PAK1: variants seen among roughly 807,000 people sequenced by gnomAD.
PAK1 encodes serine/threonine-protein kinase PAK 1.
In PAK1, 29 loss-of-function variants were observed where a neutral mutation model predicts 67.4. That is an observed-to-expected ratio of 0.43 (90% CI 0.32 to 0.59). The LOEUF (loss-of-function observed/expected upper bound fraction) is 0.59. Among genes scored for constraint, PAK1 ranks in the 20% least tolerant of loss-of-function variants. The pLI is 0.07. For synonymous variants in PAK1, 223 were observed against 237.4 expected (o/e 0.94, Z 0.56); for missense variants, 337 against 670.7 (o/e 0.50, Z 5.50).
chr11:77,350,448 T>G (rs1945083904), intron 8 of PAK1, among the ~76,000 whole-genome samples: 1 of 152,156 alleles, frequency 6.6e-6, no homozygotes, highest in Non-Finnish European at 1.5e-5. Context: ...TAATAATTCA[T>G]TCAAAATAAC....
intron 5 of PAK1, among the ~76,000 whole-genome samples, chr11:77,365,400 TGA>T (rs59488171): frequency 0.11 from 16,260 of 149,678 alleles, 2,125 homozygotes; most frequent in African/African-American, 0.3. Flanking sequence ...ATACATATAA[TGA>T]GAGTCTCTGA....
intron 14 of PAK1, among the ~76,000 whole-genome samples, chr11:77,330,482 A>T (rs184264609): frequency 6.6e-6 from 1 of 152,192 alleles, no homozygotes; most frequent in African/African-American, 2.4e-5. Flanking sequence ...ATAACGCCGC[A>T]TATCTACAAC....
In PAK1 at chr11:77,323,201, G is replaced by C; in HGVS notation, c.*73C>G. On this transcript the variant is annotated 3_prime_UTR_variant, in exon 15 of 15. Transcript: ENST00000356341. ...GCAAGGCAAGGAGAAGAGGGCATCA[G>C]GAGTTGGAATTTCTGAAATGTGCAT... The C allele has an allele frequency of 1.2e-6, 2 of 1,603,722 alleles. No homozygotes were observed. The highest frequency in any genetic ancestry group is 8.5e-7 in the Non-Finnish European group (1 of 1,174,762).
At chr11:77,341,217 C>G (rs965310336) in intron 10 of PAK1, among the ~76,000 whole-genome samples, 1 of 152,122 alleles carries the variant, frequency 6.6e-6, no homozygotes, top group Admixed American at 6.6e-5. Flanking sequence ...ATCTATGAGA[C>G]CAAGTATTGG....
intron 4 of PAK1, 36 bp downstream of exon 4, chr11:77,379,205 C>T: frequency 6.5e-7 from 1 of 1,544,754 alleles, no homozygotes; most frequent in Non-Finnish European, 8.8e-7. Flanking sequence ...TTAAAACCAT[C>T]TCTTGCTGAG....
At chr11:77,527,453 A>G in the PAK1 span, among the ~76,000 whole-genome samples, 1 of 152,244 alleles carries the variant, frequency 6.6e-6, no homozygotes, top group South Asian at 2.1e-4. Flanking sequence ...CATGATAGAT[A>G]CTTTATATAG....
chr11:77,481,762 T>A, the PAK1 span, among the ~76,000 whole-genome samples: 2 of 152,024 alleles, frequency 1.3e-5, no homozygotes, highest in African/African-American at 4.8e-5. Context: ...TGGATTTGTA[T>A]AGGTGAGCTT....
chr11:77,487,911 A>G, the PAK1 span, among the ~76,000 whole-genome samples: 9 of 152,102 alleles, frequency 5.9e-5, no homozygotes, highest in African/African-American at 2.2e-4. Flanking sequence ...GTAGAGCCCT[A>G]GGGCCTTGAG....
chr11:77,424,738 C>T (rs2138229469), intron 1 of PAK1, among the ~76,000 whole-genome samples: 1 of 152,320 alleles, frequency 6.6e-6, no homozygotes, highest in East Asian at 1.9e-4. Flanking sequence ...GTGTCCTCTC[C>T]TCTAACTTGC....
chr11:77,458,626 A>G (rs10899379), intron 1 of PAK1, among the ~76,000 whole-genome samples: 54,179 of 152,054 alleles, frequency 0.36, 9,848 homozygotes, highest in South Asian at 0.51. Context: ...ACCATTAGAA[A>G]AGCACTTACT....
At chr11:77,341,250 C>T (rs372521544) in intron 10 of PAK1, among the ~76,000 whole-genome samples, 2 of 152,266 alleles carry the variant, frequency 1.3e-5, no homozygotes, top group East Asian at 3.9e-4. Flanking sequence ...ACTCTATCCT[C>T]AGAGTCCAGC....
intron 2 of PAK1, among the ~76,000 whole-genome samples, chr11:77,388,429 C>T (rs1950722021): frequency 6.6e-6 from 1 of 152,268 alleles, no homozygotes; most frequent in African/African-American, 2.4e-5. Flanking sequence ...TCTTGGCTCA[C>T]TGCAAGCTCC....
chr11:77,395,276 G>T (rs1349560031), intron 1 of PAK1, among the ~76,000 whole-genome samples: 37 of 152,122 alleles, frequency 2.4e-4, no homozygotes, highest in Non-Finnish European at 4.0e-4. Context: ...TATTACAATT[G>T]TTTATAGGTA....
At chr11:77,484,240 G>C in the PAK1 span, among the ~76,000 whole-genome samples, 9 of 151,206 alleles carry the variant, frequency 6.0e-5, 1 homozygote, top group African/African-American at 2.2e-4. Flanking sequence ...AAGGAAAGCT[G>C]AGAAGATGAA....
chr11:77,385,192 A>T lies in PAK1; in HGVS notation c.191-5198T>A, dbSNP rs181941546. Among the ~76,000 whole-genome samples, 570 of 152,348 alleles carry T rather than the reference A, an allele frequency of 3.7e-3. 6 individuals are homozygous for T. Among genetic ancestry groups the T allele is most frequent in the African/African-American group, 0.013 (531 of 41,584 alleles). On this transcript the variant is annotated intron_variant, in intron 2 of 14. Transcript: ENST00000356341. The stretch of plus-strand genomic sequence containing the variant: ...CCTCCTCACCACTTCTATTCATCAT[A>T]GTACTGAAGGTATTAACCAGTGCAA...
the PAK1 span, among the ~76,000 whole-genome samples, chr11:77,489,630 T>C: frequency 6.6e-6 from 1 of 152,036 alleles, no homozygotes; most frequent in Non-Finnish European, 1.5e-5. Context: ...CGTATTTTTT[T>C]GGTGGAGACG....
At chr11:77,368,862 G>A (rs1322167051) in intron 5 of PAK1, among the ~76,000 whole-genome samples, 3 of 152,072 alleles carry the variant, frequency 2.0e-5, no homozygotes, top group South Asian at 2.1e-4. Context: ...GCGCCTGGCC[G>A]GTAAAAATAC....
chr11:77,482,403 A>G, the PAK1 span, among the ~76,000 whole-genome samples: 4 of 152,236 alleles, frequency 2.6e-5, no homozygotes, highest in African/African-American at 9.6e-5. Context: ...TATTCTTTTA[A>G]TGATTATCCT....
At chr11:77,465,815 T>G (rs557446791) in intron 1 of PAK1, among the ~76,000 whole-genome samples, 1 of 152,212 alleles carries the variant, frequency 6.6e-6, no homozygotes, top group East Asian at 1.9e-4. Context: ...CTGGGCTTAG[T>G]AGCATGCCCC....
Sources: gnomAD v4.1 joint callset for allele counts (sites outside exome capture counted in the v4.1 genomes callset) on GRCh38, gnomAD v4.1.1 for gene constraint, MANE v1.5 for transcripts, NCBI Gene and HGNC (gene_info 2026-07-23, HGNC 2026-07-21) for gene names.